Variants in MBNL2 observed in about 807,000 individuals in gnomAD.
MBNL2 encodes the protein muscleblind-like protein 2.
Under a neutral mutation model 41.9 loss-of-function variants are expected in MBNL2, and 17 were observed. The ratio of observed to expected loss-of-function variants is 0.41; its 90% confidence interval spans 0.28 to 0.61. MBNL2 has a LOEUF of 0.61. Ranked by LOEUF, MBNL2 falls within the 20% of genes least tolerant of loss-of-function variation. The probability of loss-of-function intolerance (pLI) is 0.35; values close to 1 mark genes in which losing one functional copy is unlikely to be tolerated. For missense variants in MBNL2, 336 were observed against 505.6 expected (o/e 0.66, Z 3.22); for synonymous variants, 195 against 182.9 (o/e 1.07, Z -0.53).
At chr13:97,273,355 G>A (rs2051486080) in intron 1 of MBNL2, among the ~76,000 whole-genome samples, 1 of 152,154 alleles carries the variant, frequency 6.6e-6, no homozygotes, top group South Asian at 2.1e-4. Flanking sequence ...TGCAGGTTGA[G>A]GTAATAAAGA....
In MBNL2 at chr13:97,334,334, A is replaced by G; in HGVS notation, c.233A>G (p.Gln78Arg). The change falls in exon 3 of 9, where the codon CAA becomes CGA. Residue 78 changes from glutamine to arginine, a missense_variant. Coordinates refer to ENST00000679496, the MANE Select transcript of MBNL2 (RefSeq NM_001382683.1). This position sits in a 1 kb window ranked among gnomAD's most constrained non-coding sequence, Gnocchi z 5.3. ...YLHPPTHLKT[Q>R]LEINGRNNLI... ...CACCCTCCGACACACTTAAAAACTC[A>G]ACTAGAAATTAATGGAAGGAACAAT... is the stretch of plus-strand genomic sequence containing the variant. 6.2e-7 allele frequency: 1 copy of G among 1,613,798 alleles called. No individual in the cohort carries two copies. Among genetic ancestry groups the G allele is most frequent in the Non-Finnish European group, 8.5e-7 (1 of 1,179,856 alleles).
intron 1 of MBNL2, among the ~76,000 whole-genome samples, chr13:97,230,090 G>C (rs893514753): frequency 6.6e-6 from 1 of 152,224 alleles, no homozygotes. Context: ...CTGAGGTTGG[G>C]AGTTTGAGAG....
chr13:97,189,008 A>G, the MBNL2 span, among the ~76,000 whole-genome samples: 5 of 151,784 alleles, frequency 3.3e-5, no homozygotes, highest in African/African-American at 1.2e-4. Context: ...ACATCCCTCC[A>G]TCTAGGGAGA....
intron 4 of MBNL2, among the ~76,000 whole-genome samples, chr13:97,345,968 TTAAA>T (rs2061810878): frequency 6.6e-6 from 1 of 152,082 alleles, no homozygotes; most frequent in African/African-American, 2.4e-5. Flanking sequence ...GATTGACAGA[TTAAA>T]TAGATAGATT....
chr13:97,208,034 A>G, the MBNL2 span, among the ~76,000 whole-genome samples: 2 of 152,204 alleles, frequency 1.3e-5, no homozygotes, highest in Non-Finnish European at 2.9e-5. Flanking sequence ...CATGGTCTTG[A>G]ACAGCTCTGC....
intron 1 of MBNL2, among the ~76,000 whole-genome samples, chr13:97,239,596 A>C (rs1406375465): frequency 6.6e-6 from 1 of 152,360 alleles, no homozygotes; most frequent in East Asian, 1.9e-4. Flanking sequence ...AAGAGAGGCC[A>C]GCTATGCTCC....
chr13:97,343,866 G>A (rs990783161), intron 4 of MBNL2, among the ~76,000 whole-genome samples: 6 of 152,220 alleles, frequency 3.9e-5, no homozygotes, highest in Admixed American at 6.5e-5. Flanking sequence ...GAGTGCAATG[G>A]TGCAATCTTG....
At chr13:97,176,097 T>A in the MBNL2 span, among the ~76,000 whole-genome samples, 7 of 152,166 alleles carry the variant, frequency 4.6e-5, no homozygotes, top group African/African-American at 1.7e-4. Flanking sequence ...AAACACATGC[T>A]TCCCTCCTCT....
At chr13:97,376,836 T>G (rs1023358083) in intron 8 of MBNL2, among the ~76,000 whole-genome samples, 1 of 152,146 alleles carries the variant, frequency 6.6e-6, no homozygotes, top group Non-Finnish European at 1.5e-5. Context: ...AAAGAAAAAT[T>G]ATGATGCAAA....
At chr13:97,286,401 A>G (rs1274140464) in intron 2 of MBNL2, among the ~76,000 whole-genome samples, 2 of 152,128 alleles carry the variant, frequency 1.3e-5, no homozygotes, top group African/African-American at 2.4e-5. Context: ...CAGATCCTAA[A>G]CTAGAGCACT....
rs77997446 is a variant in MBNL2, at chr13:97,250,160, T to C, written c.-604-25472T>C. ...CACCAATAATTCTTAGGTTGAATCT[T>C]TGTTTTCTGACTTCCATATCTGCCA... On this transcript the variant is annotated intron_variant, in intron 1 of 8. Transcript: ENST00000679496. 1.1e-3 allele frequency among the ~76,000 whole-genome samples: 162 copies of C among 152,366 alleles called. 3 individuals are homozygous for C. In the East Asian group the frequency reaches 0.029, roughly 27 times the overall value.
At chr13:97,232,929 T>G (rs973070404) in intron 1 of MBNL2, among the ~76,000 whole-genome samples, 2 of 150,382 alleles carry the variant, frequency 1.3e-5, no homozygotes, top group African/African-American at 2.5e-5. Flanking sequence ...ACTTGATGGA[T>G]CTCAACATTT....
rs1213591092 is a variant in MBNL2 at position 97,334,925 on chromosome 13, G to C, written c.339+485G>C. On this transcript the variant is annotated intron_variant, in intron 3 of 8. Coordinates refer to ENST00000679496, the MANE Select transcript of MBNL2 (RefSeq NM_001382683.1). The surrounding 1 kb of genome is among the most constrained non-coding windows in gnomAD (Gnocchi z 5.3). ...TGGAGCTGGGACTTAACTCAGACATGTTAGCAGAGCGCTTTCTGCAGTGTG... is the reference window on the plus strand; with the variant it reads ...TGGAGCTGGGACTTAACTCAGACATCTTAGCAGAGCGCTTTCTGCAGTGTG... 6.6e-6 allele frequency among the ~76,000 whole-genome samples: 1 copy of C among 152,198 alleles called. No homozygotes were observed. Among genetic ancestry groups the C allele is most frequent in the Non-Finnish European group, 1.5e-5 (1 of 68,042 alleles).
the MBNL2 span, among the ~76,000 whole-genome samples, chr13:97,189,131 C>G: frequency 6.6e-6 from 1 of 152,004 alleles, no homozygotes; most frequent in East Asian, 1.9e-4. Flanking sequence ...TGGCCTCAAG[C>G]GACCCCCTAA....
At chr13:97,191,868 A>G in the MBNL2 span, among the ~76,000 whole-genome samples, 2 of 152,224 alleles carry the variant, frequency 1.3e-5, no homozygotes, top group South Asian at 4.1e-4. Context: ...CACACCCTGC[A>G]TCTGCCATGG....
intron 7 of MBNL2, among the ~76,000 whole-genome samples, chr13:97,360,702 T>G (rs1211135950): frequency 6.6e-6 from 1 of 152,222 alleles, no homozygotes; most frequent in Admixed American, 6.5e-5. Flanking sequence ...ACCCAGATAA[T>G]TCTGGCTCAC....
the MBNL2 span, among the ~76,000 whole-genome samples, chr13:97,166,193 A>G: frequency 2.1e-4 from 32 of 152,316 alleles, 2 homozygotes; most frequent in South Asian, 6.4e-3. Context: ...TTTAAAACTT[A>G]AAGGATGTAT....
At chr13:97,292,361 C>G (rs1025920519) in intron 2 of MBNL2, among the ~76,000 whole-genome samples, 1 of 152,114 alleles carries the variant, frequency 6.6e-6, no homozygotes, top group Non-Finnish European at 1.5e-5. Flanking sequence ...GGTGTAAACC[C>G]AAAGCTTGGG....
At chr13:97,259,057 C>G (rs2048102549) in intron 1 of MBNL2, among the ~76,000 whole-genome samples, 1 of 152,214 alleles carries the variant, frequency 6.6e-6, no homozygotes, top group Non-Finnish European at 1.5e-5. Context: ...AATGGGGCCT[C>G]TTGGAGCTTA....
Sources: gnomAD v4.1 joint callset for allele counts (sites outside exome capture counted in the v4.1 genomes callset) on GRCh38, gnomAD v4.1.1 for gene constraint, Gnocchi (gnomAD v3.1) non-coding constraint, MANE v1.5 for transcripts, NCBI Gene and HGNC (gene_info 2026-07-23, HGNC 2026-07-21) for gene names.